OR8J1: variants seen among roughly 807,000 people sequenced by gnomAD.
The protein encoded by OR8J1 is olfactory receptor family 8 subfamily J member 1, also known as olfactory receptor 8J1.
For missense variants in OR8J1, 400 were observed against 373.0 expected, an observed-to-expected ratio of 1.07 and a Z score of -0.60; for synonymous variants, 157 against 144.3, an observed-to-expected ratio of 1.09 and a Z score of -0.63.
At chr11:56,355,082 A>G (rs1460000610) in intron 1 of OR8J1, among the ~76,000 whole-genome samples, 1 of 151,930 alleles carries the variant, frequency 6.6e-6, no homozygotes, top group Non-Finnish European at 1.5e-5. Flanking sequence ...ATAGAAAAAA[A>G]CTCATTGCCT....
At chr11:56,357,353 C>G (rs1854981551) in intron 1 of OR8J1, 1 of 678,558 alleles carries the variant, frequency 1.5e-6, no homozygotes, top group Non-Finnish European at 2.6e-6. Flanking sequence ...AAGAGTAAGG[C>G]CTACTTTAAG....
intron 1 of OR8J1, chr11:56,357,692 G>A: frequency 6.3e-7 from 1 of 1,584,376 alleles, no homozygotes; most frequent in Non-Finnish European, 8.6e-7. Flanking sequence ...AAGGCCAAGT[G>A]GAGGCGACTA....
At chr11:56,355,570 G>A (rs934149105) in intron 1 of OR8J1, among the ~76,000 whole-genome samples, 2 of 152,134 alleles carry the variant, frequency 1.3e-5, no homozygotes, top group Non-Finnish European at 1.5e-5. Context: ...GGAGGTTGCA[G>A]TGAGCCGAGA....
rs1258618310 is a variant in OR8J1 at position 56,360,392 on chromosome 11, C to T, written c.146C>T (p.Thr49Ile). ...MAGNLGIITL[T>I]SVDSRLQTPM... ...GGGAACCTGGGCATCATCACCCTCA[C>T]CAGTGTTGACTCTCGACTTCAAACC... is the stretch of plus-strand genomic sequence containing the variant. Residue 49 changes from threonine (T) to isoleucine (I), a missense_variant, in exon 2 of 2, where the codon ACC becomes ATC. Thr to Ile is a moderately conservative substitution (Grantham distance 89). Transcript: ENST00000533152. The T allele has an allele frequency of 1.9e-6, 3 of 1,614,036 alleles. No individual in the cohort carries two copies. The highest frequency in any genetic ancestry group is 2.2e-5 in the East Asian group (1 of 44,892).
Position 56,361,484 on chromosome 11 carries a change from TA to T in OR8J1, c.*294del, listed in dbSNP as rs1206447705. 6.9e-6 allele frequency: 2 copies of T among 290,342 alleles called. No individual in the cohort carries two copies. The allele number at this position is 290,342 out of a possible 1,614,324, so 18.0% of individuals were successfully genotyped here. ...GTTTCCAGCAGTTAGAAAAAAAAAT[TA>T]AAAAAAGTTAAATAAGTTTGAATGA... On this transcript the variant is annotated 3_prime_UTR_variant, in exon 2 of 2. Transcript: ENST00000533152.
chr11:56,359,392 A>G (rs1852602480), intron 1 of OR8J1, among the ~76,000 whole-genome samples: 2 of 152,014 alleles, frequency 1.3e-5, no homozygotes, highest in African/African-American at 2.4e-5. Flanking sequence ...CAACTGAAAG[A>G]GCAGATATAC....
chr11:56,360,422 T>C lies in OR8J1; in HGVS notation c.176T>C (p.Met59Thr), dbSNP rs62001035. ...GTTGACTCTCGACTTCAAACCCCCA[T>C]GTACTTTTTCCTGCAACATCTGGCT... ...TSVDSRLQTP[M>T]YFFLQHLALI... is the part of the protein sequence containing the mutation. The change falls in exon 2 of 2, where the codon ATG (methionine) becomes ACG (threonine). Residue 59 changes from methionine (M) to threonine (T), a missense_variant. Transcript: ENST00000533152. The C allele has an allele frequency of 9.0e-4, 1,460 of 1,614,156 alleles. 15 individuals are homozygous for C. The African/African-American group carries it at 0.017, about 19-fold the overall frequency.
At position 56,361,209 on chromosome 11, in the gene OR8J1, A is replaced by G; in HGVS notation, c.*12A>G. The G allele has an allele frequency of 9.1e-7, 1 of 1,104,798 alleles. No individual in the cohort carries two copies. Among genetic ancestry groups the G allele is most frequent in the East Asian group, 2.9e-5 (1 of 34,892 alleles). 68.4% of individuals were successfully genotyped at this position (1,104,798 alleles called of 1,614,324 possible). A position where few individuals can be genotyped will look rare whatever the true frequency, so the allele number is the denominator to read the frequency against. ...TTAAAACAATGTAATTTTAAACAGT[A>G]CAGGTAAATGAGGAGAGAGTTAATA... On this transcript the variant is annotated 3_prime_UTR_variant, in exon 2 of 2. Transcript: ENST00000533152.
In OR8J1 at chr11:56,360,868, G is replaced by C. The variant is rs1012543199; in HGVS notation, c.622G>C (p.Val208Leu). 1.3e-6 allele frequency: 2 copies of C among 1,504,704 alleles called. No homozygotes were observed. The highest frequency in any genetic ancestry group is 1.8e-6 in the Non-Finnish European group (2 of 1,132,028). The allele number at this position is 1,504,704 out of a possible 1,614,324, so 93.2% of individuals were successfully genotyped here. Residue 208 changes from valine (V) to leucine (L), a missense_variant, in exon 2 of 2, where the codon GTT becomes CTT. Transcript: ENST00000533152. ...CTTTATATCTGCAGCAACAAATGTG[G>C]TTGGTTCCTTGATTATAGTTCTAGT... is the stretch of plus-strand genomic sequence containing the variant. ...VVFISAATNV[V>L]GSLIIVLVSY...
In OR8J1 at chr11:56,361,002, T is replaced by C. The variant is rs769374845; in HGVS notation, c.756T>C (p.Tyr252=). Residue 252 remains tyrosine (Y), a synonymous_variant, in exon 2 of 2, where the codon TAT becomes TAC. Coordinates refer to ENST00000533152, the MANE Select transcript of OR8J1 (RefSeq NM_001005205.3). ...ASHMMAVTIF[Y]GTLLFMYVQP... is the part of the protein sequence containing the mutation. ...ATATGATGGCAGTCACAATTTTTTA[T>C]GGGACATTGCTATTCATGTATGTGC... 6.7e-7 allele frequency: 1 copy of C among 1,484,836 alleles called. No homozygotes were observed. The highest frequency in any genetic ancestry group is 8.9e-7 in the Non-Finnish European group (1 of 1,122,466). 92.0% of individuals were successfully genotyped at this position (1,484,836 alleles called of 1,614,324 possible). A position where few individuals can be genotyped will look rare whatever the true frequency, so the allele number is the denominator to read the frequency against.
chr11:56,360,641 A>T lies in OR8J1; in HGVS notation c.395A>T (p.Tyr132Phe), dbSNP rs368627598. ...RYVAICNPLL[Y>F]MVVVSRRLCL... ...GTGGCTATTTGTAACCCTCTGCTGT[A>T]CATGGTGGTGGTGTCTCGGCGGCTC... Residue 132 changes from tyrosine (Y) to phenylalanine (F), a missense_variant, in exon 2 of 2, where the codon TAC becomes TTC. Coordinates refer to ENST00000533152, the MANE Select transcript of OR8J1 (RefSeq NM_001005205.3). 6.2e-7 allele frequency: 1 copy of T among 1,612,154 alleles called. No individual in the cohort carries two copies. Among genetic ancestry groups the T allele is most frequent in the African/African-American group, 1.3e-5 (1 of 74,842 alleles).
chr11:56,360,666 C>T lies in OR8J1; in HGVS notation c.420C>T (p.Leu140=). The T allele has an allele frequency of 6.2e-7, 1 of 1,611,570 alleles. No individual in the cohort carries two copies. The highest frequency in any genetic ancestry group is 8.5e-7 in the Non-Finnish European group (1 of 1,179,090). Residue 140 remains leucine (L), a synonymous_variant, in exon 2 of 2, where the codon CTC becomes CTT. Transcript: ENST00000533152. ...ACATGGTGGTGGTGTCTCGGCGGCT[C>T]TGCCTCCTGCTGGTCTCCCTCACAT... The part of the protein sequence containing the change: ...LLYMVVVSRR[L]CLLLVSLTYL...
intron 1 of OR8J1, among the ~76,000 whole-genome samples, chr11:56,355,629 A>AAAAC (rs925286471): frequency 8.5e-5 from 13 of 152,108 alleles, no homozygotes; most frequent in South Asian, 2.1e-4. Context: ...CTCAGTCTCA[A>AAAAC]AAACAAACAA....
chr11:56,355,649 C>A (rs1319998779), intron 1 of OR8J1, among the ~76,000 whole-genome samples: 2 of 151,918 alleles, frequency 1.3e-5, no homozygotes, highest in Non-Finnish European at 2.9e-5. Context: ...AACAAACAAA[C>A]AAAAAACTCC....
chr11:56,356,895 TATTCA>T (rs2134911941), intron 1 of OR8J1, among the ~76,000 whole-genome samples: 1 of 152,306 alleles, frequency 6.6e-6, no homozygotes, highest in South Asian at 2.1e-4. Flanking sequence ...TATTGTCTCA[TATTCA>T]AAAATGGCAC....
intron 1 of OR8J1, among the ~76,000 whole-genome samples, chr11:56,357,166 T>C (rs1424260472): frequency 6.6e-6 from 1 of 152,200 alleles, no homozygotes; most frequent in Non-Finnish European, 1.5e-5. Context: ...CTCGAGCTTT[T>C]TCAATCCTAT....
At chr11:56,357,088 C>T (rs1180109127) in intron 1 of OR8J1, among the ~76,000 whole-genome samples, 1 of 152,038 alleles carries the variant, frequency 6.6e-6, no homozygotes, top group African/African-American at 2.4e-5. Context: ...TATCTTATAC[C>T]AGAAATCCCA....
Position 56,360,401 on chromosome 11 carries a change from A to G in OR8J1, c.155A>G (p.Asp52Gly). Residue 52 changes from aspartate to glycine, a missense_variant, in exon 2 of 2, where the codon GAC (aspartate) becomes GGC (glycine). By Grantham distance (94) the Asp-to-Gly change is moderately conservative (BLOSUM62 -1). Coordinates refer to ENST00000533152, the MANE Select transcript of OR8J1 (RefSeq NM_001005205.3). ...NLGIITLTSV[D>G]SRLQTPMYFF... ...GGCATCATCACCCTCACCAGTGTTG[A>G]CTCTCGACTTCAAACCCCCATGTAC... is the stretch of plus-strand genomic sequence containing the variant. 1 of 1,613,870 alleles carries G rather than the reference A, an allele frequency of 6.2e-7. No individual in the cohort carries two copies. The highest frequency in any genetic ancestry group is 8.5e-7 in the Non-Finnish European group (1 of 1,179,966).
At chr11:56,357,354 C>T (rs994792661) in intron 1 of OR8J1, 5 of 682,540 alleles carry the variant, frequency 7.3e-6, no homozygotes, top group African/African-American at 7.1e-5. Context: ...AGAGTAAGGC[C>T]TACTTTAAGA....
Sources: gnomAD v4.1 joint callset for allele counts (sites outside exome capture counted in the v4.1 genomes callset) on GRCh38, gnomAD v4.1.1 for gene constraint, MANE v1.5 for transcripts, NCBI Gene and HGNC (gene_info 2026-07-23, HGNC 2026-07-21) for gene names.